Variants in TDRD9 observed in about 807,000 individuals in gnomAD.
The protein encoded by TDRD9 is ATP-dependent RNA helicase TDRD9.
In TDRD9, 124 loss-of-function variants were observed where a neutral mutation model predicts 172.6. The ratio of observed to expected loss-of-function variants is 0.72; its 90% CI spans 0.62 to 0.83. The LOEUF (loss-of-function observed/expected upper bound fraction) is 0.83, where lower values mean the gene tolerates loss of function less well. TDRD9 is among the 40% of genes least tolerant of loss of function. The pLI, the probability that TDRD9 is intolerant of heterozygous loss-of-function variation, is 0.00. For missense variants in TDRD9, 1,479 were observed against 1,714.1 expected (o/e 0.86, Z 2.42); for synonymous variants, 619 against 617.1 (o/e 1.00, Z -0.05).
intron 2 of TDRD9, among the ~76,000 whole-genome samples, chr14:103,959,030 G>C (rs1321624149): frequency 6.6e-6 from 1 of 152,194 alleles, no homozygotes; most frequent in Non-Finnish European, 1.5e-5. Context: ...CATGTGTTTA[G>C]ATTTGTGTTT....
chr14:104,026,632 T>C (rs1386532210), intron 27 of TDRD9, 47 bp from the exon 28 acceptor site: 3 of 1,596,410 alleles, frequency 1.9e-6, no homozygotes, highest in Non-Finnish European at 2.6e-6. Flanking sequence ...GATGAGTGTT[T>C]TGCTTATTTA....
At chr14:103,943,236 T>C (rs947915625) in intron 1 of TDRD9, among the ~76,000 whole-genome samples, 12 of 151,834 alleles carry the variant, frequency 7.9e-5, no homozygotes, top group Non-Finnish European at 1.2e-4. Context: ...GCTCAAGTGA[T>C]CCTCCCACCT....
At chr14:104,002,137 T>G (rs1026976324) in intron 13 of TDRD9, among the ~76,000 whole-genome samples, 1 of 151,174 alleles carries the variant, frequency 6.6e-6, no homozygotes, top group Admixed American at 6.6e-5. Context: ...TTGGGCAACA[T>G]GGCAAAACCC....
Position 103,970,524 on chromosome 14 carries a change from C to T in TDRD9, c.766-17C>T, listed in dbSNP as rs953303030. ...GCCTGATGCCATGTGGGGGGTGCCC[C>T]CTTTTTTATTTTGTAGGTACACGAA... On this transcript the variant is annotated splice_polypyrimidine_tract_variant and intron_variant, in intron 5 of 35. Transcript: ENST00000409874. 1 of 1,548,774 alleles carries T rather than the reference C, an allele frequency of 6.5e-7. No homozygotes were observed. The highest frequency in any genetic ancestry group is 1.4e-5 in the African/African-American group (1 of 72,920).
rs368678111 is a variant in TDRD9, at chr14:104,049,120, A to ATGTGTG, written c.3975-466_3975-461dup. On this transcript the variant is annotated intron_variant, in intron 34 of 35. Transcript: ENST00000409874. ...TTGGTATGTATGTATGTATGTATGT[A>ATGTGTG]TGTGTGTGTGTGTGTGTGTGTGTGT... 3.6e-3 allele frequency among the ~76,000 whole-genome samples: 369 copies of ATGTGTG among 101,964 alleles called. 3 individuals carry two copies. Among genetic ancestry groups the ATGTGTG allele is most frequent in the East Asian group, 0.023 (79 of 3,412 alleles). The allele number at this position is 101,964 out of a possible 152,430, so 66.9% of individuals were successfully genotyped here.
intron 2 of TDRD9, among the ~76,000 whole-genome samples, chr14:103,958,489 A>G (rs1595915673): frequency 6.6e-6 from 1 of 152,188 alleles, no homozygotes; most frequent in Admixed American, 6.5e-5. Flanking sequence ...TATCACCTTC[A>G]TGGTAAAGGG....
At position 103,997,141 on chromosome 14, in the gene TDRD9, G is replaced by A. The variant is rs974981742; in HGVS notation, c.1378+1334G>A. 6.6e-6 allele frequency among the ~76,000 whole-genome samples: 1 copy of A among 152,212 alleles called. No individual in the cohort carries two copies. Among genetic ancestry groups the A allele is most frequent in the Non-Finnish European group, 1.5e-5 (1 of 68,032 alleles). ...AAATCGTTGGTAGGTTTTGAAAACA[G>A]AAATGACATAACCTGAAGTTCACTT... On this transcript the variant is annotated intron_variant, in intron 12 of 35. Coordinates refer to ENST00000409874, the MANE Select transcript of TDRD9 (RefSeq NM_153046.3). The surrounding 1 kb of genome is among the most constrained non-coding windows in gnomAD (Gnocchi z 5.1).
chr14:104,040,627 C>T (rs1438402293), intron 33 of TDRD9, among the ~76,000 whole-genome samples: 2 of 152,226 alleles, frequency 1.3e-5, no homozygotes, highest in Non-Finnish European at 2.9e-5. Flanking sequence ...AACCACGGGG[C>T]TGTAGGGCTG....
chr14:104,046,738 C>G (rs187207539), intron 34 of TDRD9, among the ~76,000 whole-genome samples: 2 of 151,912 alleles, frequency 1.3e-5, no homozygotes, highest in African/African-American at 2.4e-5. Flanking sequence ...CTCCGCCCCC[C>G]GGGTTCATGC....
chr14:103,963,242 GT>G, intron 3 of TDRD9, 66 bp downstream of exon 3: 1 of 1,222,986 alleles, frequency 8.2e-7, no homozygotes, highest in East Asian at 2.6e-5. Context: ...AATACTTTTG[GT>G]TTCTAATTTG....
intron 35 of TDRD9, 87 bp downstream of exon 35, chr14:104,049,767 C>A: frequency 8.3e-7 from 1 of 1,206,902 alleles, no homozygotes; most frequent in Non-Finnish European, 1.2e-6. Context: ...AGAGCCAGGG[C>A]TGGCCGAGGG....
At chr14:103,954,636 T>C (rs1185865114) in intron 1 of TDRD9, among the ~76,000 whole-genome samples, 2 of 152,144 alleles carry the variant, frequency 1.3e-5, no homozygotes, top group Non-Finnish European at 2.9e-5. Flanking sequence ...TTTATTTGAT[T>C]TATTTTTTTT....
At chr14:103,971,022 C>T (rs979475097) in intron 6 of TDRD9, among the ~76,000 whole-genome samples, 33 of 150,896 alleles carry the variant, frequency 2.2e-4, no homozygotes, top group Non-Finnish European at 1.6e-4. Flanking sequence ...CTAGCTCTGT[C>T]GCCCAGGCTG....
At chr14:103,943,403 A>G (rs1324167867) in intron 1 of TDRD9, among the ~76,000 whole-genome samples, 1 of 151,050 alleles carries the variant, frequency 6.6e-6, no homozygotes, top group Non-Finnish European at 1.5e-5. Flanking sequence ...ATATGTACAT[A>G]TATGTATATA....
intron 1 of TDRD9, chr14:103,942,014 A>G: frequency 3.8e-6 from 1 of 265,310 alleles, no homozygotes; most frequent in Non-Finnish European, 7.0e-6. Flanking sequence ...TAAGAGACTT[A>G]AAATATTAAT....
chr14:103,947,341 GT>G (rs971252731), intron 1 of TDRD9, among the ~76,000 whole-genome samples: 10 of 148,296 alleles, frequency 6.7e-5, no homozygotes, highest in Admixed American at 6.7e-5. Context: ...GTTTTTTTTT[GT>G]TTTTTTAGAT....
At chr14:103,946,943 G>T (rs1323591813) in intron 1 of TDRD9, among the ~76,000 whole-genome samples, 2 of 152,190 alleles carry the variant, frequency 1.3e-5, no homozygotes, top group Non-Finnish European at 2.9e-5. Context: ...AGACAATATT[G>T]TTAAAATGTC....
At chr14:103,966,882 A>C in intron 5 of TDRD9, 51 bp downstream of exon 5, 1 of 1,492,746 alleles carries the variant, frequency 6.7e-7, no homozygotes, top group South Asian at 1.3e-5. Context: ...TCTTAAAAAA[A>C]CTCTCAGAGT....
intron 34 of TDRD9, among the ~76,000 whole-genome samples, chr14:104,043,291 G>T (rs2035662906): frequency 1.3e-5 from 2 of 151,470 alleles, no homozygotes; most frequent in African/African-American, 4.9e-5. Flanking sequence ...ACCCAGGCTG[G>T]AGTGCGATGG....
Sources: gnomAD v4.1 joint callset for allele counts (sites outside exome capture counted in the v4.1 genomes callset) on GRCh38, gnomAD v4.1.1 for gene constraint, Gnocchi (gnomAD v3.1) non-coding constraint, MANE v1.5 for transcripts, NCBI Gene and HGNC (gene_info 2026-07-23, HGNC 2026-07-21) for gene names.